The following CSMD1 variants were observed in gnomAD, a reference collection of about 807,000 sequenced individuals.
The protein encoded by CSMD1 is CUB and sushi domain-containing protein 1.
CSMD1 carries 213 observed loss-of-function variants against 417.5 expected under a neutral mutation model. The ratio of observed to expected loss-of-function variants is 0.51; its 90% confidence interval spans 0.46 to 0.57. The LOEUF is 0.57. Among genes scored for constraint, CSMD1 ranks in the 20% least tolerant of loss-of-function variants. The pLI, the probability that CSMD1 is intolerant of heterozygous loss-of-function variation, is 0.00. For synonymous variants in CSMD1, 2,862 were observed against 1,736.8 expected (o/e 1.65, Z -16.11); for missense variants, 6,923 against 4,529.7 (o/e 1.53, Z -15.17).
intron 50 of CSMD1, among the ~76,000 whole-genome samples, chr8:3,030,262 A>G (rs950462070): frequency 6.6e-6 from 1 of 152,030 alleles, no homozygotes; most frequent in African/African-American, 2.4e-5. Context: ...ATGTGGGTAC[A>G]TATTCTTTGA....
chr8:3,308,419 A>G lies in CSMD1; in HGVS notation c.3716T>C (p.Val1239Ala). ...CCCCGGGTTGCAACTGTACAGAACT[A>G]CAGTGTCGGTAAAGTGGCCTTCATC... The part of the protein sequence containing the change: ...IRDEGHFTDT[V>A]VLYSCNPGYA... Residue 1239 changes from valine (V) to alanine (A), a missense_variant, in exon 24 of 70, where the codon GTA (valine) becomes GCA (alanine). Val to Ala is a moderately conservative substitution (Grantham distance 64). Coordinates refer to ENST00000635120, the MANE Select transcript of CSMD1 (RefSeq NM_033225.6). The G allele has an allele frequency of 1.2e-6, 2 of 1,613,840 alleles. No homozygotes were observed. Among genetic ancestry groups the G allele is most frequent in the Non-Finnish European group, 1.7e-6 (2 of 1,179,804 alleles).
intron 42 of CSMD1, among the ~76,000 whole-genome samples, chr8:3,114,062 CA>C (rs758450043): frequency 6.6e-5 from 10 of 151,286 alleles, no homozygotes; most frequent in Admixed American, 1.3e-4. Context: ...TTAAAACAAA[CA>C]AACAAACAAA....
chr8:4,472,105 G>C (rs1040927303), intron 2 of CSMD1, among the ~76,000 whole-genome samples: 12 of 152,132 alleles, frequency 7.9e-5, no homozygotes, highest in Admixed American at 2.0e-4. Context: ...CTGTTCTAAA[G>C]AATGCTTTAA....
intron 5 of CSMD1, among the ~76,000 whole-genome samples, chr8:3,914,215 C>G (rs1393374172): frequency 6.6e-6 from 1 of 152,158 alleles, no homozygotes; most frequent in African/African-American, 2.4e-5. Flanking sequence ...GTAACTTGAG[C>G]ACCTGCAAAA....
intron 1 of CSMD1, among the ~76,000 whole-genome samples, chr8:4,843,395 T>C (rs1563565642): frequency 6.6e-6 from 1 of 152,168 alleles, no homozygotes; most frequent in East Asian, 1.9e-4. Context: ...GAACCCTTCA[T>C]TGTTTTCATG....
chr8:3,826,131 T>G (rs1346619357), intron 5 of CSMD1, among the ~76,000 whole-genome samples: 1 of 152,064 alleles, frequency 6.6e-6, no homozygotes, highest in Non-Finnish European at 1.5e-5. Context: ...AGCAGGGAAC[T>G]CACACTGCGA....
chr8:3,163,898 G>C (rs1197272736), intron 37 of CSMD1, among the ~76,000 whole-genome samples: 2 of 152,282 alleles, frequency 1.3e-5, no homozygotes, highest in East Asian at 3.9e-4. Context: ...AAGTCAGCCT[G>C]GCTGCAGAGT....
At chr8:3,971,401 A>G (rs946168199) in intron 5 of CSMD1, among the ~76,000 whole-genome samples, 2 of 152,150 alleles carry the variant, frequency 1.3e-5, no homozygotes, top group African/African-American at 4.8e-5. Context: ...AAGTTTTTAT[A>G]AAATGTTTTT....
At chr8:4,356,351 A>ACAC (rs1230404429) in intron 3 of CSMD1, among the ~76,000 whole-genome samples, 5 of 139,774 alleles carry the variant, frequency 3.6e-5, no homozygotes, top group African/African-American at 1.5e-4. Context: ...CACACACACC[A>ACAC]GTTTCTTTAT....
chr8:3,350,627 T>A (rs1027799943), intron 21 of CSMD1, among the ~76,000 whole-genome samples: 13 of 152,146 alleles, frequency 8.5e-5, no homozygotes, highest in African/African-American at 3.1e-4. Flanking sequence ...GAAAAAAGTG[T>A]CTTCTTAAGG....
chr8:3,162,917 A>G (rs1819986680), intron 37 of CSMD1, among the ~76,000 whole-genome samples: 1 of 152,226 alleles, frequency 6.6e-6, no homozygotes, highest in African/African-American at 2.4e-5. Context: ...AAGGCATCAT[A>G]TAATACTGGA....
Position 4,644,513 on chromosome 8 carries a change from C to T in CSMD1, c.86-6955G>A, listed in dbSNP as rs1005917833. Among the ~76,000 whole-genome samples, 8 of 152,078 alleles carry T rather than the reference C, an allele frequency of 5.3e-5. No homozygotes were observed. The East Asian group carries it at 1.4e-3, about 26-fold the overall frequency. ...CCTCCACCTCCCAGGTTCAAGTGAT[C>T]CTCCCGCCTCAACCTCCAGAGTAGC... On this transcript the variant is annotated intron_variant, in intron 1 of 69. Coordinates refer to ENST00000635120, the MANE Select transcript of CSMD1 (RefSeq NM_033225.6).
intron 3 of CSMD1, among the ~76,000 whole-genome samples, chr8:4,216,810 C>T (rs1486958185): frequency 6.6e-6 from 1 of 152,086 alleles, no homozygotes; most frequent in East Asian, 1.9e-4. Flanking sequence ...CACAGAATTC[C>T]AACACAAGAA....
rs368996416 is a variant in CSMD1 at position 3,654,567 on chromosome 8, A to G, written c.1010-37770T>C. Reference sequence around the variant, plus strand: ...GTCATGATTATACGGAGAGTTTAGGAGAAGAAAAAATTGTCTACATACTCA... The same window carrying G: ...GTCATGATTATACGGAGAGTTTAGGGGAAGAAAAAATTGTCTACATACTCA... On this transcript the variant is annotated intron_variant, in intron 7 of 69. Coordinates refer to ENST00000635120, the MANE Select transcript of CSMD1 (RefSeq NM_033225.6). Among the ~76,000 whole-genome samples, 8 of 152,320 alleles carry G rather than the reference A, an allele frequency of 5.3e-5. No individual in the cohort carries two copies. In the South Asian group the frequency reaches 1.7e-3, roughly 32 times the overall value.
chr8:4,315,235 T>C (rs1798854005), intron 3 of CSMD1, among the ~76,000 whole-genome samples: 1 of 152,108 alleles, frequency 6.6e-6, no homozygotes, highest in Non-Finnish European at 1.5e-5. Context: ...AAAGCCCAGC[T>C]CTGGCTTGAA....
chr8:4,042,301 G>T (rs1416274086), intron 3 of CSMD1, among the ~76,000 whole-genome samples: 2 of 152,146 alleles, frequency 1.3e-5, no homozygotes, highest in African/African-American at 2.4e-5. Context: ...GGGGGTAGGA[G>T]TAATGTTCTG....
intron 43 of CSMD1, among the ~76,000 whole-genome samples, 157 bp downstream of exon 43, chr8:3,110,001 T>C (rs560691996): frequency 2.0e-5 from 3 of 152,202 alleles, no homozygotes; most frequent in Non-Finnish European, 2.9e-5. Flanking sequence ...CTATGTGAAA[T>C]TGATTCCCTA....
At chr8:4,123,304 G>C (rs1232577880) in intron 3 of CSMD1, among the ~76,000 whole-genome samples, 1 of 152,182 alleles carries the variant, frequency 6.6e-6, no homozygotes, top group Non-Finnish European at 1.5e-5. Context: ...CATTTTCCAG[G>C]TCACTATCTG....
At chr8:3,899,107 T>C (rs1554478944) in intron 5 of CSMD1, among the ~76,000 whole-genome samples, 1 of 152,310 alleles carries the variant, frequency 6.6e-6, no homozygotes, top group African/African-American at 2.4e-5. Context: ...TTTTAATGCA[T>C]AAGTACTGAC....
Sources: gnomAD v4.1 joint callset for allele counts (sites outside exome capture counted in the v4.1 genomes callset) on GRCh38, gnomAD v4.1.1 for gene constraint, MANE v1.5 for transcripts, NCBI Gene and HGNC (gene_info 2026-07-23, HGNC 2026-07-21) for gene names.